MAP4K4: variants seen among roughly 807,000 people sequenced by gnomAD.
MAP4K4 encodes mitogen-activated protein kinase kinase kinase kinase 4.
Under a neutral mutation model 189.6 loss-of-function variants are expected in MAP4K4, and 38 were observed. The ratio of observed to expected loss-of-function variants is 0.20; its 90% CI spans 0.15 to 0.26. The LOEUF is 0.26. Among genes scored for constraint, MAP4K4 ranks in the 10% least tolerant of loss-of-function variants. The pLI, the probability that MAP4K4 is intolerant of heterozygous loss-of-function variation, is 1.00. For missense variants in MAP4K4, 1,054 were observed against 1,726.9 expected, an observed-to-expected ratio of 0.61 and a Z score of 6.91; for synonymous variants, 610 against 624.3, an observed-to-expected ratio of 0.98 and a Z score of 0.34.
intron 2 of MAP4K4, among the ~76,000 whole-genome samples, chr2:101,764,172 T>G (rs1316967128): frequency 6.6e-6 from 1 of 152,106 alleles, no homozygotes; most frequent in Non-Finnish European, 1.5e-5. Context: ...TGTGCATGTA[T>G]GTATGTGATA....
chr2:101,862,940 A>G (rs188427838), intron 16 of MAP4K4, among the ~76,000 whole-genome samples: 2 of 152,388 alleles, frequency 1.3e-5, no homozygotes, highest in South Asian at 2.1e-4. Context: ...ATAGATATGT[A>G]GCTATCATTT....
intron 20 of MAP4K4, 100 bp downstream of exon 20, chr2:101,867,409 G>GC: frequency 2.4e-6 from 2 of 817,914 alleles, no homozygotes; most frequent in Non-Finnish European, 4.0e-6. Flanking sequence ...TTCTGCGAGG[G>GC]CCCCTCACAG....
intron 12 of MAP4K4, 75 bp downstream of exon 12, chr2:101,844,386 G>A (rs2097022051): frequency 8.2e-7 from 1 of 1,220,042 alleles, no homozygotes; most frequent in Admixed American, 2.2e-5. Context: ...GCCACTCAGA[G>A]GAATATCCTC....
At chr2:101,797,037 G>A (rs558173578) in intron 3 of MAP4K4, among the ~76,000 whole-genome samples, 5 of 152,272 alleles carry the variant, frequency 3.3e-5, no homozygotes, top group East Asian at 1.9e-4. Context: ...CTTGCTTTCA[G>A]GGAGTTCATG....
At chr2:101,863,488 A>C (rs906660873) in intron 16 of MAP4K4, among the ~76,000 whole-genome samples, 2 of 152,142 alleles carry the variant, frequency 1.3e-5, no homozygotes, top group Admixed American at 1.3e-4. Flanking sequence ...ATGGATGTGC[A>C]TGCAACACAT....
exon 31 of MAP4K4, chr2:101,887,808 A>G (rs2098509818): frequency 6.2e-7 from 1 of 1,612,278 alleles, no homozygotes; most frequent in Non-Finnish European, 8.5e-7. Context: ...CCATGCAATC[A>G]TCATCCTCCC....
intron 2 of MAP4K4, among the ~76,000 whole-genome samples, chr2:101,738,830 GGTGAC>G (rs1204707668): frequency 6.6e-6 from 1 of 151,894 alleles, no homozygotes; most frequent in East Asian, 1.9e-4. Flanking sequence ...CCATATTGTT[GGTGAC>G]CTTGGGAAAG....
intron 2 of MAP4K4, among the ~76,000 whole-genome samples, chr2:101,729,392 A>T (rs2057386719): frequency 6.6e-6 from 1 of 152,252 alleles, no homozygotes; most frequent in African/African-American, 2.4e-5. Context: ...AGTGCATCAC[A>T]TATGCTAAGA....
intron 3 of MAP4K4, among the ~76,000 whole-genome samples, chr2:101,812,037 C>G (rs1020855207): frequency 6.6e-6 from 1 of 152,132 alleles, no homozygotes; most frequent in Non-Finnish European, 1.5e-5. Context: ...GAGGTACCTA[C>G]CACTTGAGAG....
At chr2:101,700,060 T>C (rs1157089304) in intron 2 of MAP4K4, among the ~76,000 whole-genome samples, 2 of 152,242 alleles carry the variant, frequency 1.3e-5, no homozygotes, top group African/African-American at 2.4e-5. Context: ...GATTGTAGTC[T>C]TCCAAGTGAA....
chr2:101,768,373 G>A (rs2079665853), intron 2 of MAP4K4, among the ~76,000 whole-genome samples: 1 of 152,144 alleles, frequency 6.6e-6, no homozygotes, highest in African/African-American at 2.4e-5. Flanking sequence ...ATACATTGTT[G>A]GATTAGAGAA....
At chr2:101,780,094 G>A (rs1465028879) in intron 2 of MAP4K4, among the ~76,000 whole-genome samples, 7 of 152,172 alleles carry the variant, frequency 4.6e-5, no homozygotes, top group Admixed American at 2.0e-4. Context: ...TATGAATAGT[G>A]TACATATACG....
intron 15 of MAP4K4, 109 bp downstream of exon 15, chr2:101,859,973 T>C (rs930094507): frequency 3.6e-6 from 4 of 1,105,820 alleles, no homozygotes; most frequent in East Asian, 2.6e-5. Context: ...TAGCTAATTA[T>C]CTGGTTTCTT....
intron 2 of MAP4K4, among the ~76,000 whole-genome samples, chr2:101,768,707 T>G (rs1223172554): frequency 6.6e-6 from 1 of 152,336 alleles, no homozygotes; most frequent in Middle Eastern, 3.4e-3. Context: ...AAAGGGTGTT[T>G]CCAGCCAGTA....
intron 2 of MAP4K4, among the ~76,000 whole-genome samples, chr2:101,721,855 A>G (rs1044754215): frequency 2.0e-5 from 3 of 152,194 alleles, no homozygotes; most frequent in African/African-American, 7.2e-5. Flanking sequence ...TTCCCTAGCA[A>G]ATATAATATT....
chr2:101,721,179 A>G (rs370785610), intron 2 of MAP4K4, among the ~76,000 whole-genome samples: 1 of 152,224 alleles, frequency 6.6e-6, no homozygotes, highest in Admixed American at 6.5e-5. Context: ...ATAAAAACTG[A>G]TACTAGAAAT....
intron 2 of MAP4K4, among the ~76,000 whole-genome samples, chr2:101,755,185 G>A (rs1313840008): frequency 1.5e-5 from 2 of 135,834 alleles, no homozygotes; most frequent in Admixed American, 1.5e-4. Context: ...CCCCCTCCTC[G>A]CTTTTTTTTT....
At chr2:101,744,075 G>T (rs148145902) in intron 2 of MAP4K4, among the ~76,000 whole-genome samples, 1 of 152,310 alleles carries the variant, frequency 6.6e-6, no homozygotes, top group African/African-American at 2.4e-5. Context: ...GTTAAAGACT[G>T]AGTGGAAGAT....
intron 2 of MAP4K4, among the ~76,000 whole-genome samples, chr2:101,775,146 C>T (rs1183719070): frequency 6.6e-6 from 1 of 151,066 alleles, no homozygotes; most frequent in African/African-American, 2.4e-5. Context: ...ACGCTTCCTG[C>T]ATGTTGTTGC....
Sources: gnomAD v4.1 joint callset for allele counts (sites outside exome capture counted in the v4.1 genomes callset) on GRCh38, gnomAD v4.1.1 for gene constraint, MANE v1.5 for transcripts, NCBI Gene and HGNC (gene_info 2026-07-23, HGNC 2026-07-21) for gene names.